The following UNC80 variants were observed in gnomAD, a reference collection of about 807,000 sequenced individuals.
UNC80 encodes the protein protein unc-80 homolog.
UNC80 carries 164 observed loss-of-function variants against 384.6 expected under a neutral mutation model. The ratio of observed to expected loss-of-function variants is 0.43; its 90% confidence interval spans 0.38 to 0.49. The LOEUF is 0.49. UNC80 is among the 20% of genes least tolerant of loss of function. The pLI, the probability that UNC80 is intolerant of heterozygous loss-of-function variation, is 0.00. For missense variants in UNC80, 3,330 were observed against 4,143.0 expected, an observed-to-expected ratio of 0.80 and a Z score of 5.39; for synonymous variants, 1,486 against 1,527.8, an observed-to-expected ratio of 0.97 and a Z score of 0.64.
intron 22 of UNC80, among the ~76,000 whole-genome samples, chr2:209,858,797 G>T (rs1240493100): frequency 1.3e-5 from 2 of 150,970 alleles, no homozygotes; most frequent in Non-Finnish European, 3.0e-5. Context: ...TGTGCAGATT[G>T]TGATTACTGA....
At chr2:209,827,698 A>G (rs1395177032) in intron 14 of UNC80, among the ~76,000 whole-genome samples, 1 of 152,212 alleles carries the variant, frequency 6.6e-6, no homozygotes. Context: ...CAGTTCCAGA[A>G]GCTAAACATT....
chr2:209,802,503 T>C (rs1183781785), intron 7 of UNC80, among the ~76,000 whole-genome samples: 1 of 152,204 alleles, frequency 6.6e-6, no homozygotes, highest in African/African-American at 2.4e-5. Context: ...GTGAGGATAA[T>C]CAATCCCATC....
chr2:209,926,662 G>A (rs1214205653), intron 35 of UNC80, among the ~76,000 whole-genome samples, 181 bp from the exon 36 acceptor site: 1 of 152,196 alleles, frequency 6.6e-6, no homozygotes, highest in Non-Finnish European at 1.5e-5. Flanking sequence ...TGTGGTCCCA[G>A]CTACTCTGGA....
chr2:209,906,742 T>G (rs1442803086), intron 29 of UNC80, among the ~76,000 whole-genome samples: 2 of 152,066 alleles, frequency 1.3e-5, no homozygotes, highest in Non-Finnish European at 2.9e-5. Flanking sequence ...AGTAAATACG[T>G]TTGTGTGTGC....
intron 22 of UNC80, among the ~76,000 whole-genome samples, chr2:209,855,998 C>A (rs944286419): frequency 2.1e-4 from 32 of 151,914 alleles, no homozygotes; most frequent in African/African-American, 7.5e-4. Context: ...CTAAATAAAC[C>A]TATGAGTAAA....
intron 29 of UNC80, among the ~76,000 whole-genome samples, chr2:209,911,750 C>G (rs2088970742): frequency 6.6e-6 from 1 of 152,154 alleles, no homozygotes; most frequent in Admixed American, 6.5e-5. Context: ...TTTGCACAGC[C>G]TGGAGTGCAA....
chr2:209,990,988 A>C (rs2125031465), intron 61 of UNC80, among the ~76,000 whole-genome samples: 1 of 152,334 alleles, frequency 6.6e-6, no homozygotes, highest in Admixed American at 6.5e-5. Flanking sequence ...TGACTGTGTC[A>C]ACTTTGTGAT....
chr2:209,782,256 T>G (rs1389199108), intron 4 of UNC80, among the ~76,000 whole-genome samples: 2 of 152,212 alleles, frequency 1.3e-5, no homozygotes, highest in African/African-American at 4.8e-5. Context: ...TCTGGTAAAC[T>G]GGGCCCTCTA....
At chr2:209,936,543 A>G (rs1252359483) in intron 40 of UNC80, among the ~76,000 whole-genome samples, 2 of 152,128 alleles carry the variant, frequency 1.3e-5, no homozygotes, top group Non-Finnish European at 2.9e-5. Context: ...ATGAGATCAG[A>G]TGGTCCATAT....
rs2081041114 is a variant in UNC80 at position 209,832,450 on chromosome 2, A to T, written c.2775+859A>T. ...AGGCAAAGAAGCATTTCTCTATCCT[A>T]CCAGTCTGTTAGATATTATGACTCC... On this transcript the variant is annotated intron_variant, in intron 16 of 64. Coordinates refer to ENST00000673920, the MANE Select transcript of UNC80 (RefSeq NM_001371986.1). Among the ~76,000 whole-genome samples the T allele has an allele frequency of 2.0e-5, 3 of 152,180 alleles. No individual in the cohort carries two copies. The South Asian group carries it at 6.2e-4, about 32-fold the overall frequency.
Position 209,921,483 on chromosome 2 carries a change from C to T in UNC80, c.5344-17C>T. ...GAAGAATTGCTATTAAATGAACTTG[C>T]CTTTATGTCTCCACAGAAATCCTTT... On this transcript the variant is annotated splice_polypyrimidine_tract_variant and intron_variant, in intron 33 of 64. Coordinates refer to ENST00000673920, the MANE Select transcript of UNC80 (RefSeq NM_001371986.1). 1 of 1,538,796 alleles carries T rather than the reference C, an allele frequency of 6.5e-7. No individual in the cohort carries two copies. The highest frequency in any genetic ancestry group is 1.7e-4 in the Middle Eastern group (1 of 5,870).
In UNC80 at chr2:209,904,731, G is replaced by A. The variant is rs1015018214; in HGVS notation, c.4582-34G>A. 1.4e-5 allele frequency: 22 copies of A among 1,542,854 alleles called. No individual in the cohort carries two copies. The African/African-American group carries it at 2.5e-4, about 17-fold the overall frequency. ...TGTTCAGTTTATCTGTACCCTGGTT[G>A]CCTGGCTGAGTCTCAGGAATGTTTG... On this transcript the variant is annotated intron_variant, in intron 28 of 64. Transcript: ENST00000673920.
Position 209,918,525 on chromosome 2 carries a change from C to T in UNC80, c.5212-7C>T. 6.4e-7 allele frequency: 1 copy of T among 1,551,550 alleles called. No homozygotes were observed. The highest frequency in any genetic ancestry group is 1.2e-5 in the South Asian group (1 of 84,000). ...TCTCACCTAATTTTTCTGATGTCAA[C>T]TAACAGATTCCGCCTCCCAGTATCA... On this transcript the variant is annotated splice_region_variant and splice_polypyrimidine_tract_variant and intron_variant, in intron 32 of 64. Transcript: ENST00000673920.
At chr2:209,946,044 C>T in intron 47 of UNC80, 101 bp downstream of exon 47, 3 of 872,002 alleles carry the variant, frequency 3.4e-6, no homozygotes, top group African/African-American at 1.7e-5. Context: ...ATCAGACTAA[C>T]ATTCTGACAA....
intron 7 of UNC80, among the ~76,000 whole-genome samples, chr2:209,797,792 C>T (rs1223011254): frequency 6.6e-6 from 1 of 152,144 alleles, no homozygotes; most frequent in East Asian, 1.9e-4. Flanking sequence ...TAAAAGCATT[C>T]CTATTTCTCC....
chr2:209,810,125 C>A (rs2079228283), intron 7 of UNC80, among the ~76,000 whole-genome samples: 1 of 152,150 alleles, frequency 6.6e-6, no homozygotes, highest in African/African-American at 2.4e-5. Flanking sequence ...TGGGCCTGAG[C>A]AGCTATTTCA....
chr2:209,913,161 C>T (rs536121225), intron 30 of UNC80, among the ~76,000 whole-genome samples: 1 of 152,296 alleles, frequency 6.6e-6, no homozygotes, highest in East Asian at 1.9e-4. Flanking sequence ...CAGTGCTTGA[C>T]ACATTGTTAT....
intron 28 of UNC80, among the ~76,000 whole-genome samples, chr2:209,898,480 A>G (rs915902474): frequency 2.0e-5 from 3 of 152,080 alleles, no homozygotes; most frequent in African/African-American, 7.2e-5. Flanking sequence ...TTTAAAAAAA[A>G]TTATTTTTAA....
chr2:209,959,297 A>ATGG (rs2092515633), intron 50 of UNC80, 143 bp downstream of exon 50: 1 of 1,195,782 alleles, frequency 8.4e-7, no homozygotes, highest in Non-Finnish European at 1.2e-6. Flanking sequence ...GGTTTACTAC[A>ATGG]GTTTGGGATG....
Sources: gnomAD v4.1 joint callset for allele counts (sites outside exome capture counted in the v4.1 genomes callset) on GRCh38, gnomAD v4.1.1 for gene constraint, MANE v1.5 for transcripts, NCBI Gene and HGNC (gene_info 2026-07-23, HGNC 2026-07-21) for gene names.